HEATR5A: variants seen among roughly 807,000 people sequenced by gnomAD.
The protein encoded by HEATR5A is HEAT repeat-containing protein 5A.
A neutral mutation model predicts 218.8 loss-of-function variants in HEATR5A; 178 were observed. The observed-to-expected ratio is 0.81, with a 90% CI of 0.72 to 0.92. The LOEUF (loss-of-function observed/expected upper bound fraction) is 0.92, where lower values mean the gene tolerates loss of function less well. HEATR5A is among the 40% of genes least tolerant of loss of function. The pLI is 0.00. For synonymous variants in HEATR5A, 864 were observed against 871.6 expected, an observed-to-expected ratio of 0.99 and a Z score of 0.15; for missense variants, 2,420 against 2,418.9, an observed-to-expected ratio of 1.00 and a Z score of -0.01.
At chr14:31,305,449 G>C (rs1266383616) in intron 31 of HEATR5A, among the ~76,000 whole-genome samples, 1 of 152,052 alleles carries the variant, frequency 6.6e-6, no homozygotes, top group African/African-American at 2.4e-5. Context: ...TTTTAGTAGA[G>C]ATGAGGTTTC....
intron 10 of HEATR5A, among the ~76,000 whole-genome samples, chr14:31,381,701 G>A (rs557122994): frequency 9.8e-4 from 149 of 152,188 alleles, no homozygotes; most frequent in Middle Eastern, 3.4e-3. Flanking sequence ...CGGGAAGATT[G>A]CTTGAGCCCT....
chr14:31,408,836 A>G (rs1283478643), intron 1 of HEATR5A, among the ~76,000 whole-genome samples: 1 of 149,750 alleles, frequency 6.7e-6, no homozygotes, highest in Non-Finnish European at 1.5e-5. Flanking sequence ...TTTTATAAAG[A>G]TGGAGTCTTC....
In HEATR5A at chr14:31,322,835, A is replaced by C. The variant is rs182249994; in HGVS notation, c.3787+730T>G. Among the ~76,000 whole-genome samples, 1,122 of 151,672 alleles carry C rather than the reference A, an allele frequency of 7.4e-3. 16 individuals are homozygous for C. Among genetic ancestry groups the C allele is most frequent in the East Asian group, 0.064 (331 of 5,170 alleles). On this transcript the variant is annotated intron_variant, in intron 24 of 35. Transcript: ENST00000543095. ...TGCTGTCTAAAAAAAAAAAAAAAAA[A>C]ACACAAATATGTATTGTGTCTTTGA...
chr14:31,370,219 A>G (rs1429357141), intron 13 of HEATR5A, among the ~76,000 whole-genome samples: 1 of 151,102 alleles, frequency 6.6e-6, no homozygotes, highest in African/African-American at 2.5e-5. Flanking sequence ...GAGCGAGACT[A>G]CGTCTCAAAA....
rs200758726 is a variant in HEATR5A, at chr14:31,343,088, CT to C, written c.3228+807del. ...GATAGAAACTGGTGACATGGTAAAT[CT>C]TTTTTTTTTTTTTTTTCCTGAGACG... is the stretch of plus-strand genomic sequence containing the variant. On this transcript the variant is annotated intron_variant, in intron 21 of 35. Coordinates refer to ENST00000543095, the MANE Select transcript of HEATR5A (RefSeq NM_015473.4). Among the ~76,000 whole-genome samples, 598 of 139,670 alleles carry C rather than the reference CT, an allele frequency of 4.3e-3. 1 individual carries two copies. Among genetic ancestry groups the C allele is most frequent in the Middle Eastern group, 0.015 (4 of 272 alleles). 91.6% of individuals were successfully genotyped at this position (139,670 alleles called of 152,430 possible). A position where few individuals can be genotyped will look rare whatever the true frequency, so the allele number is the denominator to read the frequency against.
rs1452338908 is a variant in HEATR5A at position 31,315,968 on chromosome 14, A to G, written c.4039-19T>C. The G allele has an allele frequency of 4.6e-6, 7 of 1,515,182 alleles. No individual in the cohort carries two copies. The highest frequency in any genetic ancestry group is 6.2e-6 in the Non-Finnish European group (7 of 1,127,868). 93.9% of individuals were successfully genotyped at this position (1,515,182 alleles called of 1,614,324 possible). On this transcript the variant is annotated intron_variant, in intron 26 of 35. Transcript: ENST00000543095. ...TGCAAACCTAGTTTTCAAGAAATTAAAAGTTATATTTTAAAATTATAAGTA... is the reference window on the plus strand; with the variant it reads ...TGCAAACCTAGTTTTCAAGAAATTAGAAGTTATATTTTAAAATTATAAGTA...
rs577497140 is a variant in HEATR5A, at chr14:31,344,268, CTTTTTTTTTT to C, written c.3059-213_3059-204del. Among the ~76,000 whole-genome samples, 9 of 50,830 alleles carry C rather than the reference CTTTTTTTTTT, an allele frequency of 1.8e-4. No individual in the cohort carries two copies. In the East Asian group the frequency reaches 2.2e-3, roughly 13 times the overall value. 33.3% of individuals were successfully genotyped at this position (50,830 alleles called of 152,430 possible). A position where few individuals can be genotyped will look rare whatever the true frequency, so the allele number is the denominator to read the frequency against. The stretch of plus-strand genomic sequence containing the variant: ...GTTACAGATTGTTAGATTAGTTATT[CTTTTTTTTTT>C]TTTTTTTTTTTTTTTTTGAGACAGA... On this transcript the variant is annotated intron_variant, in intron 20 of 35. Transcript: ENST00000543095.
rs1280333613 is a variant in HEATR5A at position 31,401,672 on chromosome 14, T to C, written c.127-1160A>G. Among the ~76,000 whole-genome samples, 2 of 152,214 alleles carry C rather than the reference T, an allele frequency of 1.3e-5. 1 individual carries two copies. The highest frequency in any genetic ancestry group is 2.9e-5 in the Non-Finnish European group (2 of 68,038). On this transcript the variant is annotated intron_variant, in intron 2 of 35. Coordinates refer to ENST00000543095, the MANE Select transcript of HEATR5A (RefSeq NM_015473.4). ...TACCATGTAACTTGGTCTATAAGCA[T>C]GCATCACCATGTCCAAATTTGTATT...
At chr14:31,320,237 A>T in intron 25 of HEATR5A, 1 of 674,960 alleles carries the variant, frequency 1.5e-6, no homozygotes, top group Non-Finnish European at 2.8e-6. Context: ...CATGGCGAAC[A>T]GGATGAAGAA....
At chr14:31,380,686 T>C in intron 10 of HEATR5A, 108 bp from the exon 11 acceptor site, 1 of 702,786 alleles carries the variant, frequency 1.4e-6, no homozygotes, top group Non-Finnish European at 2.4e-6. Context: ...AAAATAAATG[T>C]AAACGATAAA....
At chr14:31,385,742 G>GT (rs376247910) in intron 9 of HEATR5A, among the ~76,000 whole-genome samples, 147 of 151,530 alleles carry the variant, frequency 9.7e-4, no homozygotes, top group Middle Eastern at 3.4e-3. Context: ...ATCTTTTTTT[G>GT]TTTTTTGAGA....
chr14:31,318,446 T>A (rs1357048947), intron 25 of HEATR5A, among the ~76,000 whole-genome samples, 154 bp from the exon 26 acceptor site: 1 of 152,250 alleles, frequency 6.6e-6, no homozygotes, highest in Admixed American at 6.5e-5. Context: ...TGTTTTTAGA[T>A]AACAACATCC....
chr14:31,317,294 ATTTTTTTTTTTTTTTT>A (rs35394095), intron 26 of HEATR5A, among the ~76,000 whole-genome samples: 1 of 64,120 alleles, frequency 1.6e-5, no homozygotes, highest in African/African-American at 6.4e-5. Context: ...CCCGGGCTAG[ATTTTTTTTTTTTTTTT>A]TTTTTTTTTT....
chr14:31,384,312 T>C (rs1437879883), intron 9 of HEATR5A, among the ~76,000 whole-genome samples: 1 of 151,856 alleles, frequency 6.6e-6, no homozygotes, highest in African/African-American at 2.4e-5. Flanking sequence ...GGCATGGTGA[T>C]GCATGCCTGC....
rs1018492916 is a variant in HEATR5A at position 31,318,427 on chromosome 14, A to C, written c.3970-135T>G. On this transcript the variant is annotated intron_variant, in intron 25 of 35. Coordinates refer to ENST00000543095, the MANE Select transcript of HEATR5A (RefSeq NM_015473.4). ...AGCTGTTGTTTTGTCTACCCAGTGT[A>C]TCTTCCCCTGTTTTTAGATAACAAC... The C allele has an allele frequency of 4.5e-5, 30 of 663,216 alleles. 2 individuals carry two copies. In the South Asian group the frequency reaches 5.6e-4, roughly 12 times the overall value. The allele number at this position is 663,216 out of a possible 1,614,324, so 41.1% of individuals were successfully genotyped here.
chr14:31,413,842 C>T (rs986635738), intron 1 of HEATR5A, among the ~76,000 whole-genome samples: 1 of 152,182 alleles, frequency 6.6e-6, no homozygotes, highest in Non-Finnish European at 1.5e-5. Flanking sequence ...CTTTCAACTA[C>T]TTCATATAGT....
intron 21 of HEATR5A, among the ~76,000 whole-genome samples, chr14:31,340,754 T>C (rs1900814116): frequency 6.6e-6 from 1 of 152,040 alleles, no homozygotes; most frequent in South Asian, 2.1e-4. Flanking sequence ...TCAGAATCTC[T>C]GATTAAGCCT....
At chr14:31,357,081 C>T (rs1370158465) in intron 16 of HEATR5A, among the ~76,000 whole-genome samples, 1 of 152,148 alleles carries the variant, frequency 6.6e-6, no homozygotes, top group Non-Finnish European at 1.5e-5. Context: ...TATTCCAAAC[C>T]ACTGTAATTT....
At chr14:31,395,507 A>C (rs1233063485) in intron 4 of HEATR5A, among the ~76,000 whole-genome samples, 159 bp from the exon 5 acceptor site, 1 of 152,236 alleles carries the variant, frequency 6.6e-6, no homozygotes, top group Non-Finnish European at 1.5e-5. Flanking sequence ...ATTTTATGAA[A>C]TATTATTTGA....
Sources: gnomAD v4.1 joint callset for allele counts (sites outside exome capture counted in the v4.1 genomes callset) on GRCh38, gnomAD v4.1.1 for gene constraint, MANE v1.5 for transcripts, NCBI Gene and HGNC (gene_info 2026-07-23, HGNC 2026-07-21) for gene names.